Variants in RNF126 observed in about 807,000 individuals in gnomAD.
The protein encoded by RNF126 is ring finger protein 126, also known as E3 ubiquitin-protein ligase RNF126.
RNF126 carries 20 observed loss-of-function variants against 41.9 expected under a neutral mutation model. That is an observed-to-expected ratio of 0.48 (90% CI 0.34 to 0.69). The LOEUF (loss-of-function observed/expected upper bound fraction) is 0.69, where lower values mean the gene tolerates loss of function less well. Among genes scored for constraint, RNF126 ranks in the 30% least tolerant of loss-of-function variants. RNF126 has a pLI of 0.01. For missense variants in RNF126, 433 were observed against 460.6 expected, an observed-to-expected ratio of 0.94 and a Z score of 0.55; for synonymous variants, 239 against 202.9, an observed-to-expected ratio of 1.18 and a Z score of -1.51.
intron 2 of RNF126, 82 bp from the exon 3 acceptor site, chr19:652,378 T>C: frequency 8.1e-7 from 1 of 1,236,462 alleles, no homozygotes. Flanking sequence ...AAAGCCTATG[T>C]TGGGAGAGCA....
rs1005114221 is a variant in RNF126 at position 659,659 on chromosome 19, G to A, written c.75+3388C>T. ...GGCTCGAGTCTGGGTCTGCGCAGCC[G>A]CCTGTGGCCTGAGCTCCAGCTGGCC... On this transcript the variant is annotated intron_variant, in intron 1 of 8. Coordinates refer to ENST00000292363, the MANE Select transcript of RNF126 (RefSeq NM_194460.3). This position sits in a 1 kb window ranked among gnomAD's most constrained non-coding sequence, Gnocchi z 4.9. 2.0e-5 allele frequency among the ~76,000 whole-genome samples: 3 copies of A among 152,088 alleles called. No homozygotes were observed. The highest frequency in any genetic ancestry group is 7.2e-5 in the African/African-American group (3 of 41,410).
chr19:657,319 GCTTT>G (rs769556400), intron 1 of RNF126, among the ~76,000 whole-genome samples: 4 of 152,234 alleles, frequency 2.6e-5, no homozygotes, highest in African/African-American at 9.6e-5. Flanking sequence ...TGCATCACTG[GCTTT>G]CTGTCGGGCT....
At chr19:649,292 T>C in intron 6 of RNF126, 1 of 308,700 alleles carries the variant, frequency 3.2e-6, no homozygotes, top group South Asian at 9.6e-5. Context: ...GGTGGGCTAC[T>C]GTGAGGGTCG....
chr19:660,216 A>G (rs2030737331), intron 1 of RNF126, among the ~76,000 whole-genome samples: 1 of 152,212 alleles, frequency 6.6e-6, no homozygotes, highest in African/African-American at 2.4e-5. Flanking sequence ...TGCCCACCAG[A>G]TGCCACGGGG....
chr19:656,310 AAC>A (rs1166007086), intron 1 of RNF126, among the ~76,000 whole-genome samples: 2 of 152,126 alleles, frequency 1.3e-5, no homozygotes, highest in Non-Finnish European at 2.9e-5. Flanking sequence ...AGATTGCAGC[AAC>A]AGAGTGAGGC....
chr19:656,171 A>T (rs2030555903), intron 1 of RNF126, among the ~76,000 whole-genome samples: 2 of 152,090 alleles, frequency 1.3e-5, no homozygotes, highest in African/African-American at 4.8e-5. Context: ...CAGGTGAATT[A>T]TATGGTGTGT....
Position 648,131 on chromosome 19 carries a change from C to G in RNF126, c.933G>C (p.Ser311=), listed in dbSNP as rs771923167. The part of the protein sequence containing the change: ...SPSNENATSN[S] ...TTTCCCGACGGCCGACGTGGGCTCA[C>G]GAGTTGCTTGTGGCGTTCTCGTTGC... The change falls in exon 9 of 9, where the codon TCG becomes TCC. Residue 311 remains serine (S), a synonymous_variant. Coordinates refer to ENST00000292363, the MANE Select transcript of RNF126 (RefSeq NM_194460.3). 2 of 1,582,028 alleles carry G rather than the reference C, an allele frequency of 1.3e-6. No homozygotes were observed. Among genetic ancestry groups the G allele is most frequent in the Non-Finnish European group, 1.7e-6 (2 of 1,160,176 alleles).
chr19:652,940 C>A (rs924717882), intron 1 of RNF126, 56 bp from the exon 2 acceptor site: 5 of 1,536,590 alleles, frequency 3.3e-6, no homozygotes, highest in Non-Finnish European at 4.5e-6. Context: ...CCTGCAAACC[C>A]CCCCAAGTGT....
rs569863722 is a variant in RNF126 at position 648,073 on chromosome 19, G to A, written c.*55C>T. ...ACCCAGTCTGTGGGTGCCGTGTGGCGCTGGCTGAGGGTGGGTGGGAAAGGC... is the reference window on the plus strand; with the variant it reads ...ACCCAGTCTGTGGGTGCCGTGTGGCACTGGCTGAGGGTGGGTGGGAAAGGC... On this transcript the variant is annotated 3_prime_UTR_variant, in exon 9 of 9. Transcript: ENST00000292363. 25 of 1,493,600 alleles carry A rather than the reference G, an allele frequency of 1.7e-5. No individual in the cohort carries two copies. Among genetic ancestry groups the A allele is most frequent in the African/African-American group, 5.6e-5 (4 of 71,794 alleles). The allele number at this position is 1,493,600 out of a possible 1,614,324, so 92.5% of individuals were successfully genotyped here.
At chr19:656,213 T>C (rs2030557608) in intron 1 of RNF126, among the ~76,000 whole-genome samples, 1 of 151,930 alleles carries the variant, frequency 6.6e-6, no homozygotes, top group African/African-American at 2.4e-5. Flanking sequence ...TTAAAATAAA[T>C]GGGCCAGGCG....
chr19:649,746 C>G lies in RNF126; in HGVS notation c.509G>C (p.Gly170Ala). ...GTCCATAGGGTTTGAGTGCAGGACT[C>G]CCCTGGAGGTGGAAGGTGGGGTTCA... ...PATIPSLGPW[G>A]VLHSNPMDYA... Residue 170 changes from glycine (G) to alanine (A), a missense_variant and splice_region_variant, in exon 6 of 9, where the codon GGA becomes GCA. By Grantham distance (60) the Gly-to-Ala change is moderately conservative. Coordinates refer to ENST00000292363, the MANE Select transcript of RNF126 (RefSeq NM_194460.3). 2 of 1,563,534 alleles carry G rather than the reference C, an allele frequency of 1.3e-6. No individual in the cohort carries two copies. The highest frequency in any genetic ancestry group is 1.7e-6 in the Non-Finnish European group (2 of 1,152,550).
At chr19:648,795 C>G in intron 7 of RNF126, 87 bp downstream of exon 7, 1 of 826,762 alleles carries the variant, frequency 1.2e-6, no homozygotes, top group Non-Finnish European at 1.8e-6. Flanking sequence ...ATGGTGAAAC[C>G]CTGTCTCTAC....
chr19:655,892 G>A (rs1259548015), intron 1 of RNF126, among the ~76,000 whole-genome samples: 1 of 152,120 alleles, frequency 6.6e-6, no homozygotes, highest in Non-Finnish European at 1.5e-5. Context: ...GGGGGGGAGG[G>A]GGGATTGCAT....
At chr19:652,717 G>C (rs1268078556) in intron 2 of RNF126, 109 bp downstream of exon 2, 3 of 973,302 alleles carry the variant, frequency 3.1e-6, no homozygotes, top group Non-Finnish European at 3.2e-6. Context: ...CAGACACCAG[G>C]GCCTGACGGC....
intron 1 of RNF126, among the ~76,000 whole-genome samples, chr19:660,825 G>C (rs977672200): frequency 2.6e-5 from 4 of 152,198 alleles, no homozygotes; most frequent in African/African-American, 9.7e-5. Flanking sequence ...TGTAGAGACA[G>C]GGTCCTGCCA....
chr19:651,981 C>G (rs189293416), intron 3 of RNF126, 126 bp from the exon 4 acceptor site: 15 of 868,854 alleles, frequency 1.7e-5, no homozygotes, highest in Non-Finnish European at 2.4e-5. Flanking sequence ...GAGGGAGACG[C>G]AGACAGGGAG....
intron 4 of RNF126, chr19:651,279 C>CA (rs2030267007): frequency 4.8e-6 from 1 of 207,518 alleles, no homozygotes; most frequent in Non-Finnish European, 9.5e-6. Context: ...AGGAGTGGGG[C>CA]CCTGCGACGG....
chr19:652,943 C>T, intron 1 of RNF126, 59 bp from the exon 2 acceptor site: 6 of 1,527,268 alleles, frequency 3.9e-6, no homozygotes, highest in African/African-American at 1.4e-5. Flanking sequence ...GCAAACCCCC[C>T]CAAGTGTGAG....
chr19:661,356 C>G (rs985550056), intron 1 of RNF126: 1 of 152,436 alleles, frequency 6.6e-6, no homozygotes, highest in South Asian at 2.1e-4. Context: ...TGCAACTCAC[C>G]CAGGCTGGCG....
Sources: allele counts gnomAD v4.1 joint callset (sites outside exome capture counted in the v4.1 genomes callset), GRCh38; gene constraint gnomAD v4.1.1; non-coding constraint Gnocchi (gnomAD v3.1); transcripts MANE v1.5; gene names NCBI Gene and HGNC (gene_info 2026-07-23, HGNC 2026-07-21).